MYO6: variants seen among roughly 807,000 people sequenced by gnomAD.
The protein encoded by MYO6 is unconventional myosin-VI.
MYO6 carries 74 observed loss-of-function variants against 178.7 expected under a neutral mutation model. The ratio of observed to expected loss-of-function variants is 0.41; its 90% confidence interval spans 0.34 to 0.50. MYO6 has a LOEUF of 0.50. Among genes scored for constraint, MYO6 ranks in the 20% least tolerant of loss-of-function variants. MYO6 has a pLI of 0.09. For synonymous variants in MYO6, 477 were observed against 504.6 expected, an observed-to-expected ratio of 0.95 and a Z score of 0.73; for missense variants, 1,330 against 1,547.4, an observed-to-expected ratio of 0.86 and a Z score of 2.36.
intron 9 of MYO6, among the ~76,000 whole-genome samples, chr6:75,843,969 G>A (rs978834139): frequency 6.6e-6 from 1 of 151,966 alleles, no homozygotes; most frequent in African/African-American, 2.4e-5. Context: ...TAAAATCATA[G>A]CAACCTGATT....
At chr6:75,894,593 T>G (rs577939372) in intron 28 of MYO6, among the ~76,000 whole-genome samples, 1 of 152,212 alleles carries the variant, frequency 6.6e-6, no homozygotes, top group African/African-American at 2.4e-5. Flanking sequence ...ATCACATGTT[T>G]GATAGTTTAA....
chr6:75,881,582 A>G, intron 22 of MYO6, 107 bp from the exon 23 acceptor site: 2 of 1,159,740 alleles, frequency 1.7e-6, no homozygotes, highest in East Asian at 2.6e-5. Context: ...ACATGTGACC[A>G]TTTTCAGACA....
chr6:75,832,129 G>A (rs976990447), intron 5 of MYO6, among the ~76,000 whole-genome samples: 1 of 152,160 alleles, frequency 6.6e-6, no homozygotes, highest in Non-Finnish European at 1.5e-5. Context: ...ACTTGTCTGT[G>A]TAGTCTTAAC....
chr6:75,786,722 TTTTC>T (rs1171614915), intron 1 of MYO6, among the ~76,000 whole-genome samples: 1 of 152,184 alleles, frequency 6.6e-6, no homozygotes, highest in Non-Finnish European at 1.5e-5. Context: ...CCTTACCACA[TTTTC>T]TTTATCATTT....
intron 22 of MYO6, among the ~76,000 whole-genome samples, chr6:75,881,462 C>T (rs1778021617): frequency 7.6e-6 from 1 of 132,000 alleles, no homozygotes. Context: ...TGCTACCTAG[C>T]ATTAAGTAAC....
intron 30 of MYO6, among the ~76,000 whole-genome samples, chr6:75,899,844 C>G (rs1337314497): frequency 6.7e-6 from 1 of 148,878 alleles, no homozygotes; most frequent in East Asian, 2.0e-4. Context: ...ACTAACTCGT[C>G]ATCTAGCATT....
chr6:75,866,453 A>T, intron 16 of MYO6, 73 bp from the exon 17 acceptor site: 1 of 1,201,592 alleles, frequency 8.3e-7, no homozygotes. Context: ...TTTACATCTC[A>T]GTTGTTTTGT....
At chr6:75,765,257 A>G (rs1363395206) in intron 1 of MYO6, among the ~76,000 whole-genome samples, 2 of 129,662 alleles carry the variant, frequency 1.5e-5, no homozygotes, top group Non-Finnish European at 3.1e-5. Context: ...GCTCACTGCA[A>G]CCTCCACCCC....
At chr6:75,853,705 A>G (rs1441168803) in intron 11 of MYO6, among the ~76,000 whole-genome samples, 1 of 152,200 alleles carries the variant, frequency 6.6e-6, no homozygotes. Flanking sequence ...ATTTGTCATA[A>G]AATTGTCATG....
chr6:75,897,237 A>G (rs1049184880), intron 29 of MYO6, among the ~76,000 whole-genome samples: 1 of 152,232 alleles, frequency 6.6e-6, no homozygotes, highest in Non-Finnish European at 1.5e-5. Flanking sequence ...GTGGAGTGAT[A>G]ATAGAATTAA....
chr6:75,856,964 T>G, intron 12 of MYO6, 133 bp from the exon 13 acceptor site: 1 of 753,474 alleles, frequency 1.3e-6, no homozygotes, highest in Non-Finnish European at 2.2e-6. Flanking sequence ...CCCATTTATC[T>G]GTGCCTATTC....
chr6:75,903,895 C>T (rs1466432281), intron 30 of MYO6, among the ~76,000 whole-genome samples: 1 of 151,460 alleles, frequency 6.6e-6, no homozygotes, highest in Non-Finnish European at 1.5e-5. Flanking sequence ...TTAGCGCTTC[C>T]TTCAGGAGCT....
Position 75,866,636 on chromosome 6 carries a change from T to C in MYO6, c.1770+15T>C. ...GCTATGAAACAGTGAGTATAACTTT[T>C]ACAAGGAGAAAACCATTTCATGTTG... On this transcript the variant is annotated intron_variant, in intron 17 of 34. Coordinates refer to ENST00000369977, the MANE Select transcript of MYO6 (RefSeq NM_004999.4). The C allele has an allele frequency of 6.2e-7, 1 of 1,600,764 alleles. No individual in the cohort carries two copies. Among genetic ancestry groups the C allele is most frequent in the Non-Finnish European group, 8.6e-7 (1 of 1,167,738 alleles).
chr6:75,869,652 T>G (rs1002322812), intron 18 of MYO6, among the ~76,000 whole-genome samples: 1 of 152,180 alleles, frequency 6.6e-6, no homozygotes. Flanking sequence ...AATTAACTTA[T>G]TTTGCAGAGT....
chr6:75,854,525 A>T (rs1262593623), intron 11 of MYO6, among the ~76,000 whole-genome samples: 1 of 152,034 alleles, frequency 6.6e-6, no homozygotes, highest in African/African-American at 2.4e-5. Flanking sequence ...CTCATCATGT[A>T]TATGCAGTTA....
At chr6:75,796,652 G>C (rs1305639457) in intron 1 of MYO6, among the ~76,000 whole-genome samples, 1 of 118,816 alleles carries the variant, frequency 8.4e-6, no homozygotes, top group Non-Finnish European at 1.7e-5. Context: ...TTTTTTAATT[G>C]AGACGAAGTC....
intron 30 of MYO6, among the ~76,000 whole-genome samples, chr6:75,905,230 T>C (rs1780186836): frequency 6.6e-6 from 1 of 152,228 alleles, no homozygotes; most frequent in South Asian, 2.1e-4. Flanking sequence ...CAGGCAGGCC[T>C]TCTTGAGCTG....
At chr6:75,760,679 C>T (rs1777866864) in intron 1 of MYO6, among the ~76,000 whole-genome samples, 1 of 149,932 alleles carries the variant, frequency 6.7e-6, no homozygotes, top group South Asian at 2.1e-4. Flanking sequence ...AAATGAGAAA[C>T]AGGTTTGGAA....
At chr6:75,809,697 G>C (rs531295604) in intron 1 of MYO6, among the ~76,000 whole-genome samples, 1 of 152,146 alleles carries the variant, frequency 6.6e-6, no homozygotes, top group East Asian at 1.9e-4. Context: ...AAGATTTTCT[G>C]ATTGGCCGTT....
Sources: allele counts gnomAD v4.1 joint callset (sites outside exome capture counted in the v4.1 genomes callset), GRCh38; gene constraint gnomAD v4.1.1; transcripts MANE v1.5; gene names NCBI Gene and HGNC (gene_info 2026-07-23, HGNC 2026-07-21).